BRCC3: variants seen among roughly 807,000 people sequenced by gnomAD.
BRCC3 encodes the protein BRCA1/BRCA2-containing complex subunit 3, also known as lys-63-specific deubiquitinase BRCC36.
Under a neutral mutation model 28.0 loss-of-function variants are expected in BRCC3, and 15 were observed. The ratio of observed to expected loss-of-function variants is 0.54; its 90% CI spans 0.36 to 0.82. The LOEUF (loss-of-function observed/expected upper bound fraction) is 0.82. Ranked by LOEUF, BRCC3 falls within the 40% of genes least tolerant of loss-of-function variation. BRCC3 has a pLI of 0.01. For missense variants in BRCC3, 109 were observed against 225.9 expected (o/e 0.48, Z 3.32); for synonymous variants, 66 against 80.3 (o/e 0.82, Z 0.95).
rs2074095201 is a variant in BRCC3 at position 155,083,034 on chromosome X, C to T, written c.403+4331C>T. ...TTGGCATGTGGTGCTAGGCCTTTGTCAGCGTCTCCCATCTGGACGTGCGTG... is the reference window on the plus strand; with the variant it reads ...TTGGCATGTGGTGCTAGGCCTTTGTTAGCGTCTCCCATCTGGACGTGCGTG... On this transcript the variant is annotated intron_variant, in intron 5 of 10. Transcript: ENST00000330045. Among the ~76,000 whole-genome samples the T allele has an allele frequency of 5.3e-5, 6 of 112,192 alleles. No individual in the cohort carries two copies. In the Admixed American group the frequency reaches 5.6e-4, roughly 11 times the overall value.
At chrX:155,073,542 C>T (rs971576840) in intron 3 of BRCC3, 111 bp downstream of exon 3, 2 of 886,427 alleles carry the variant, frequency 2.3e-6, no homozygotes, top group African/African-American at 4.1e-5. Context: ...GATATTCTTT[C>T]TAGTAAAATC....
At chrX:155,078,373 T>C (rs1292954022) in intron 4 of BRCC3, among the ~76,000 whole-genome samples, 5 of 112,180 alleles carry the variant, frequency 4.5e-5, no homozygotes, top group Non-Finnish European at 7.5e-5. Flanking sequence ...ATTCGAGTGA[T>C]GAAACATCAG....
Position 155,108,464 on chromosome X carries a change from G to T in BRCC3, c.549-7593G>T, listed in dbSNP as rs1025018468. The stretch of plus-strand genomic sequence containing the variant: ...ATGTACACAGAAGTGGAATTGCTGG[G>T]TTATCACTTTAGTAGAATAGTTTCC... On this transcript the variant is annotated intron_variant, in intron 7 of 10. Transcript: ENST00000330045. Among the ~76,000 whole-genome samples, 3 of 112,291 alleles carry T rather than the reference G, an allele frequency of 2.7e-5. No homozygotes were observed. The East Asian group carries it at 8.3e-4, about 31-fold the overall frequency.
At position 155,080,640 on chromosome X, in the gene BRCC3, G is replaced by A. The variant is rs782744559; in HGVS notation, c.403+1937G>A. On this transcript the variant is annotated intron_variant, in intron 5 of 10. Coordinates refer to ENST00000330045, the MANE Select transcript of BRCC3 (RefSeq NM_001018055.3). The stretch of plus-strand genomic sequence containing the variant: ...GCAATAAGGGCTATGTGTAAAGAAA[G>A]TTTAGAGAGTTACCATAGCATGAGG... 3.6e-5 allele frequency among the ~76,000 whole-genome samples: 4 copies of A among 112,374 alleles called. No individual in the cohort carries two copies. In the South Asian group the frequency reaches 1.1e-3, roughly 31 times the overall value.
intron 10 of BRCC3, 145 bp downstream of exon 10, chrX:155,120,313 C>A: frequency 1.7e-5 from 8 of 468,164 alleles, no homozygotes; most frequent in Middle Eastern, 4.9e-4. Flanking sequence ...GTTCACTGAA[C>A]CCTCCTACCT....
chrX:155,077,812 C>T (rs782588434), intron 4 of BRCC3, among the ~76,000 whole-genome samples: 1 of 112,005 alleles, frequency 8.9e-6, no homozygotes, highest in African/African-American at 3.2e-5. Flanking sequence ...GCCGGCGCCT[C>T]GTAAGTGAAT....
chrX:155,104,387 G>A (rs1159526018), intron 7 of BRCC3, among the ~76,000 whole-genome samples: 1 of 112,032 alleles, frequency 8.9e-6, no homozygotes, highest in East Asian at 2.8e-4. Flanking sequence ...GCTTTGTTAG[G>A]CAGAAACAAA....
chrX:155,105,972 C>A (rs2074281591), intron 7 of BRCC3, among the ~76,000 whole-genome samples: 1 of 112,349 alleles, frequency 8.9e-6, no homozygotes, highest in Admixed American at 9.4e-5. Context: ...CAGGCTTGAG[C>A]CACCACGCCC....
chrX:155,086,408 G>T (rs925515153), intron 5 of BRCC3, among the ~76,000 whole-genome samples: 2 of 111,599 alleles, frequency 1.8e-5, no homozygotes, highest in African/African-American at 6.5e-5. Context: ...GAGTGCGATG[G>T]CGCGCCCTCT....
At chrX:155,079,534 T>G (rs2124246712) in intron 5 of BRCC3, among the ~76,000 whole-genome samples, 1 of 111,582 alleles carries the variant, frequency 9.0e-6, no homozygotes, top group South Asian at 3.8e-4. Context: ...ACAGTATTAG[T>G]TCTCAGTCTT....
intron 10 of BRCC3, 107 bp downstream of exon 10, chrX:155,120,275 A>G: frequency 1.7e-6 from 1 of 598,497 alleles, no homozygotes; most frequent in East Asian, 3.3e-5. Context: ...CAATCAGCAC[A>G]GGATGTCTTC....
chrX:155,101,171 C>G (rs1557296846), intron 7 of BRCC3, among the ~76,000 whole-genome samples: 1 of 111,835 alleles, frequency 8.9e-6, no homozygotes, highest in African/African-American at 3.3e-5. Context: ...AGTACTGGGA[C>G]TACAGGCATG....
intron 7 of BRCC3, among the ~76,000 whole-genome samples, chrX:155,094,826 C>T (rs2074199304): frequency 8.9e-6 from 1 of 111,935 alleles, no homozygotes; most frequent in Admixed American, 9.4e-5. Flanking sequence ...AAACAAGACC[C>T]AGCGTGTCAA....
intron 7 of BRCC3, among the ~76,000 whole-genome samples, chrX:155,113,212 G>A (rs1360247479): frequency 3.3e-5 from 3 of 91,740 alleles, no homozygotes; most frequent in Non-Finnish European, 6.3e-5. Context: ...GGGGGACCTT[G>A]AATAGCCAAA....
intron 7 of BRCC3, among the ~76,000 whole-genome samples, chrX:155,093,703 G>C (rs1255053156): frequency 9.3e-6 from 1 of 108,074 alleles, no homozygotes; most frequent in African/African-American, 3.4e-5. Context: ...TAAGTTAATA[G>C]GACAGAGATA....
chrX:155,116,571 C>G (rs1265288957), intron 8 of BRCC3, 140 bp from the exon 9 acceptor site: 2 of 409,771 alleles, frequency 4.9e-6, no homozygotes, highest in Non-Finnish European at 4.2e-6. Flanking sequence ...AATCACATCC[C>G]CCAAATCATC....
intron 5 of BRCC3, among the ~76,000 whole-genome samples, chrX:155,085,993 C>T (rs192526283): frequency 1.2e-4 from 13 of 111,557 alleles, no homozygotes; most frequent in African/African-American, 3.3e-4. Flanking sequence ...GAAGCGCTCT[C>T]GATATGAGTT....
At chrX:155,080,903 C>G (rs2074080105) in intron 5 of BRCC3, among the ~76,000 whole-genome samples, 1 of 112,010 alleles carries the variant, frequency 8.9e-6, no homozygotes. Context: ...AAGAAAGACA[C>G]CAAAGCATTT....
At chrX:155,085,242 T>C (rs1450752007) in intron 5 of BRCC3, among the ~76,000 whole-genome samples, 3 of 112,751 alleles carry the variant, frequency 2.7e-5, no homozygotes, top group African/African-American at 9.7e-5. Context: ...CAGGCAAGAA[T>C]AATAAAATGG....
Sources: allele counts gnomAD v4.1 joint callset (sites outside exome capture counted in the v4.1 genomes callset), GRCh38; gene constraint gnomAD v4.1.1; transcripts MANE v1.5; gene names NCBI Gene and HGNC (gene_info 2026-07-23, HGNC 2026-07-21).